SYN3: variants seen among roughly 807,000 people sequenced by gnomAD.
SYN3 encodes synapsin-3.
A neutral mutation model predicts 65.8 loss-of-function variants in SYN3; 35 were observed. The ratio of observed to expected loss-of-function variants is 0.53; its 90% CI spans 0.41 to 0.70. SYN3 has a LOEUF of 0.70. Among genes scored for constraint, SYN3 ranks in the 30% least tolerant of loss-of-function variants. The pLI, the probability that SYN3 is intolerant of heterozygous loss-of-function variation, is 0.00. For synonymous variants in SYN3, 270 were observed against 292.9 expected, an observed-to-expected ratio of 0.92 and a Z score of 0.80; for missense variants, 680 against 749.0, an observed-to-expected ratio of 0.91 and a Z score of 1.08.
intron 6 of SYN3, among the ~76,000 whole-genome samples, chr22:32,767,056 C>A (rs952189010): frequency 6.6e-6 from 1 of 152,130 alleles, no homozygotes; most frequent in East Asian, 1.9e-4. Flanking sequence ...TAGGCCTGTG[C>A]CTTCCGGGAT....
At chr22:32,964,403 AAAAC>A in intron 3 of SYN3, among the ~76,000 whole-genome samples, 1 of 139,970 alleles carries the variant, frequency 7.1e-6, no homozygotes, top group African/African-American at 2.7e-5. Flanking sequence ...CATGTACCCT[AAAAC>A]TTAAAGTATA....
intron 1 of SYN3, among the ~76,000 whole-genome samples, chr22:33,028,986 G>A (rs1206392708): frequency 6.6e-6 from 1 of 151,726 alleles, no homozygotes; most frequent in Non-Finnish European, 1.5e-5. Context: ...CTTGCAGTGA[G>A]CCAAGATCCC....
intron 6 of SYN3, among the ~76,000 whole-genome samples, chr22:32,789,960 G>A (rs1287537320): frequency 6.6e-6 from 1 of 152,200 alleles, no homozygotes; most frequent in Non-Finnish European, 1.5e-5. Flanking sequence ...CAGGAATTCT[G>A]CTAAACGCTT....
intron 3 of SYN3, among the ~76,000 whole-genome samples, chr22:32,965,893 G>A (rs531210222): frequency 5.9e-5 from 9 of 152,144 alleles, no homozygotes; most frequent in South Asian, 2.1e-4. Flanking sequence ...ACGGGGTTTC[G>A]CTGTGTTAGC....
At chr22:32,595,140 A>C (rs1172277680) in intron 7 of SYN3, among the ~76,000 whole-genome samples, 1 of 152,188 alleles carries the variant, frequency 6.6e-6, no homozygotes, top group Non-Finnish European at 1.5e-5. Context: ...GACTGGTGTT[A>C]AACTATCTCT....
At chr22:32,763,933 G>GC (rs59896920) in intron 6 of SYN3, among the ~76,000 whole-genome samples, 315 of 142,026 alleles carry the variant, frequency 2.2e-3, no homozygotes, top group East Asian at 2.3e-3. Flanking sequence ...TGGTGTAGAA[G>GC]CCCCCCCCCC....
chr22:32,533,166 G>A (rs13055961), intron 10 of SYN3, among the ~76,000 whole-genome samples: 40,505 of 151,598 alleles, frequency 0.27, 5,580 homozygotes, highest in Middle Eastern at 0.41. Context: ...GAGAGATTCC[G>A]GGACCCACAG....
intron 6 of SYN3, among the ~76,000 whole-genome samples, chr22:32,633,588 A>T (rs1332640936): frequency 6.6e-6 from 1 of 151,884 alleles, no homozygotes; most frequent in African/African-American, 2.4e-5. Flanking sequence ...GCAGATTTTG[A>T]CCTCCGAGGC....
At chr22:32,759,660 G>GCAC (rs1424194263) in intron 6 of SYN3, among the ~76,000 whole-genome samples, 1 of 69,056 alleles carries the variant, frequency 1.4e-5, no homozygotes, top group African/African-American at 4.6e-5. Context: ...CCCACCCCCA[G>GCAC]CCAGCACCCA....
chr22:32,921,808 T>G (rs2050340790), intron 4 of SYN3, among the ~76,000 whole-genome samples: 1 of 152,206 alleles, frequency 6.6e-6, no homozygotes, highest in East Asian at 1.9e-4. Context: ...TGCAACCCTA[T>G]GAGGAGGTAT....
chr22:32,905,150 C>T (rs2049867308), intron 4 of SYN3, among the ~76,000 whole-genome samples: 2 of 152,182 alleles, frequency 1.3e-5, no homozygotes, highest in Admixed American at 6.5e-5. Flanking sequence ...ATGAGTCAGA[C>T]ACTGTCCCAC....
At chr22:32,948,415 C>T (rs2146806259) in intron 3 of SYN3, among the ~76,000 whole-genome samples, 1 of 152,194 alleles carries the variant, frequency 6.6e-6, no homozygotes, top group Admixed American at 6.5e-5. Context: ...GTTATAGGTG[C>T]TAGATATAAT....
chr22:32,639,070 C>T (rs915444580), intron 6 of SYN3, among the ~76,000 whole-genome samples: 1 of 152,180 alleles, frequency 6.6e-6, no homozygotes, highest in African/African-American at 2.4e-5. Flanking sequence ...TCTCCTGCCT[C>T]AGCCTCCCAA....
At chr22:33,048,853 C>T (rs1411517010) in intron 1 of SYN3, among the ~76,000 whole-genome samples, 1 of 152,194 alleles carries the variant, frequency 6.6e-6, no homozygotes, top group Non-Finnish European at 1.5e-5. Context: ...ATGACGGAAA[C>T]CTTGCAAGCA....
rs2045727257 is a variant in SYN3, at chr22:32,770,035, C to T, written c.711+94880G>A. Among the ~76,000 whole-genome samples, 5 of 152,278 alleles carry T rather than the reference C, an allele frequency of 3.3e-5. No homozygotes were observed. In the South Asian group the frequency reaches 1.0e-3, roughly 32 times the overall value. On this transcript the variant is annotated intron_variant, in intron 6 of 13. Transcript: ENST00000358763. ...CAGCAGGCAAACCCTGACTTCTAGC[C>T]CCCCTGACTGTTCAATCTGCAGCTT...
chr22:32,643,164 T>C (rs2059927699), intron 6 of SYN3, among the ~76,000 whole-genome samples: 1 of 152,156 alleles, frequency 6.6e-6, no homozygotes, highest in Non-Finnish European at 1.5e-5. Flanking sequence ...CTACAACCTC[T>C]GCCTCCCAGA....
chr22:32,613,567 G>A (rs940370301), intron 6 of SYN3, among the ~76,000 whole-genome samples: 8 of 152,162 alleles, frequency 5.3e-5, no homozygotes, highest in Non-Finnish European at 1.2e-4. Flanking sequence ...TGAGTTCCGT[G>A]AGGGCAAGGA....
At chr22:33,021,332 T>C (rs2053555725) in intron 1 of SYN3, among the ~76,000 whole-genome samples, 1 of 152,150 alleles carries the variant, frequency 6.6e-6, no homozygotes, top group South Asian at 2.1e-4. Context: ...TAGAATAAAA[T>C]AGACTTTGGG....
intron 6 of SYN3, among the ~76,000 whole-genome samples, chr22:32,715,955 C>A (rs1308066778): frequency 6.6e-6 from 1 of 152,020 alleles, no homozygotes; most frequent in Non-Finnish European, 1.5e-5. Context: ...AGAATGAGCC[C>A]AGAAAGAGCT....
Sources: gnomAD v4.1 joint callset for allele counts (sites outside exome capture counted in the v4.1 genomes callset) on GRCh38, gnomAD v4.1.1 for gene constraint, MANE v1.5 for transcripts, NCBI Gene and HGNC (gene_info 2026-07-23, HGNC 2026-07-21) for gene names.